Variants in EEPD1 observed in about 807,000 individuals in gnomAD.
EEPD1 encodes endonuclease/exonuclease/phosphatase family domain-containing protein 1.
EEPD1 carries 17 observed loss-of-function variants against 46.3 expected under a neutral mutation model. That is an observed-to-expected ratio of 0.37 (90% confidence interval 0.25 to 0.55). The LOEUF is 0.55. Ranked by LOEUF, EEPD1 falls within the 20% of genes least tolerant of loss-of-function variation. The probability of loss-of-function intolerance (pLI) is 0.83; values close to 1 mark genes in which losing one functional copy is unlikely to be tolerated. For synonymous variants in EEPD1, 313 were observed against 315.6 expected (o/e 0.99, Z 0.09); for missense variants, 673 against 745.6 (o/e 0.90, Z 1.13).
chr7:36,186,464 C>T (rs958695792), intron 2 of EEPD1, among the ~76,000 whole-genome samples: 1 of 152,202 alleles, frequency 6.6e-6, no homozygotes, highest in African/African-American at 2.4e-5. Context: ...CCCAACTTCA[C>T]ACCTTCCATG....
In EEPD1 at chr7:36,299,292, C is replaced by A; in HGVS notation, c.*86C>A. The A allele has an allele frequency of 7.0e-7, 1 of 1,436,340 alleles. No individual in the cohort carries two copies. The highest frequency in any genetic ancestry group is 9.4e-7 in the Non-Finnish European group (1 of 1,063,682). 89.0% of individuals were successfully genotyped at this position (1,436,340 alleles called of 1,614,324 possible). A position where few individuals can be genotyped will look rare whatever the true frequency, so the allele number is the denominator to read the frequency against. On this transcript the variant is annotated 3_prime_UTR_variant, in exon 8 of 8. Transcript: ENST00000242108. ...TGTGGGGTGACGCTTCAGGGCAGAG[C>A]TGCCTTTTAATTTTTATTCTCAGAG...
In EEPD1 at chr7:36,263,051, A is replaced by T. The variant is rs114845161; in HGVS notation, c.931-18064A>T. On this transcript the variant is annotated intron_variant, in intron 3 of 7. Coordinates refer to ENST00000242108, the MANE Select transcript of EEPD1 (RefSeq NM_030636.3). ...TCTACAAGAAATAAAATGATAAAAA[A>T]CTTTAGCTGTTCATGGTGGTGCATG... Among the ~76,000 whole-genome samples, 870 of 152,174 alleles carry T rather than the reference A, an allele frequency of 5.7e-3. 6 individuals carry two copies. Among genetic ancestry groups the T allele is most frequent in the African/African-American group, 0.02 (828 of 41,488 alleles).
At chr7:36,215,333 C>T (rs1041963046) in intron 2 of EEPD1, among the ~76,000 whole-genome samples, 3 of 152,164 alleles carry the variant, frequency 2.0e-5, no homozygotes, top group East Asian at 1.9e-4. Flanking sequence ...GCCGATTTGG[C>T]GGGGCTGGGG....
intron 6 of EEPD1, among the ~76,000 whole-genome samples, chr7:36,295,108 G>A (rs933329165): frequency 4.7e-5 from 7 of 149,814 alleles, no homozygotes; most frequent in Admixed American, 6.6e-5. Context: ...AACCCGAGAG[G>A]CAGAGGTTGC....
rs937129114 is a variant in EEPD1 at position 36,268,917 on chromosome 7, T to C, written c.931-12198T>C. Among the ~76,000 whole-genome samples, 13 of 152,336 alleles carry C rather than the reference T, an allele frequency of 8.5e-5. No homozygotes were observed. The South Asian group carries it at 1.4e-3, about 17-fold the overall frequency. The stretch of plus-strand genomic sequence containing the variant: ...CTCTTGGTAAGTGGTAGATCCAAAG[T>C]TTGAATCCAGGCAGCCTTTCTCTAG... On this transcript the variant is annotated intron_variant, in intron 3 of 7. Transcript: ENST00000242108.
chr7:36,295,707 A>G (rs534028642), intron 6 of EEPD1, among the ~76,000 whole-genome samples: 2 of 152,174 alleles, frequency 1.3e-5, no homozygotes, highest in Non-Finnish European at 2.9e-5. Context: ...CAATGGCCAT[A>G]GTTTTTCATG....
intron 3 of EEPD1, among the ~76,000 whole-genome samples, chr7:36,280,854 G>A (rs1787250013): frequency 6.6e-6 from 1 of 152,218 alleles, no homozygotes; most frequent in African/African-American, 2.4e-5. Flanking sequence ...GCTACAGAGA[G>A]AATCAATTTC....
At chr7:36,272,843 G>A (rs1787132006) in intron 3 of EEPD1, among the ~76,000 whole-genome samples, 1 of 152,244 alleles carries the variant, frequency 6.6e-6, no homozygotes, top group Admixed American at 6.5e-5. Context: ...TGACACAGGA[G>A]CAGGAAGCCC....
chr7:36,263,899 C>A (rs1321048792), intron 3 of EEPD1, among the ~76,000 whole-genome samples: 1 of 152,110 alleles, frequency 6.6e-6, no homozygotes, highest in Non-Finnish European at 1.5e-5. Flanking sequence ...GATACATTTG[C>A]GAGTAAGAGG....
chr7:36,265,372 G>A (rs562352365), intron 3 of EEPD1, among the ~76,000 whole-genome samples: 1 of 152,188 alleles, frequency 6.6e-6, no homozygotes, highest in South Asian at 2.1e-4. Flanking sequence ...GGAAGTTCTG[G>A]GAGCCTGGCT....
intron 2 of EEPD1, among the ~76,000 whole-genome samples, chr7:36,196,775 C>T (rs1334839194): frequency 4.6e-5 from 7 of 152,194 alleles, no homozygotes; most frequent in African/African-American, 4.8e-5. Context: ...CCTCCACCTC[C>T]CAGCCGCCTG....
chr7:36,287,928 G>A, intron 6 of EEPD1, 151 bp downstream of exon 6: 2 of 1,111,736 alleles, frequency 1.8e-6, no homozygotes, highest in Non-Finnish European at 1.3e-6. Flanking sequence ...GCATCTCATG[G>A]AGCCCAGCTG....
intron 2 of EEPD1, chr7:36,230,688 G>A (rs1167964457): frequency 6.6e-6 from 1 of 152,232 alleles, no homozygotes; most frequent in Non-Finnish European, 1.5e-5. Flanking sequence ...ATGGCGCCAT[G>A]TGTTTGCCTC....
intron 2 of EEPD1, among the ~76,000 whole-genome samples, chr7:36,219,594 AGAAG>A (rs1379147689): frequency 1.3e-5 from 2 of 150,656 alleles, no homozygotes; most frequent in Non-Finnish European, 3.0e-5. Context: ...GAAAAGAAGA[AGAAG>A]GAGGAAGAGG....
In EEPD1 at chr7:36,154,371, C is replaced by G; in HGVS notation, c.47C>G (p.Ser16Trp). The G allele has an allele frequency of 1.2e-6, 2 of 1,613,542 alleles. No homozygotes were observed. The highest frequency in any genetic ancestry group is 8.5e-7 in the Non-Finnish European group (1 of 1,180,034). Residue 16 changes from serine to tryptophan, a missense_variant, in exon 2 of 8, where the codon TCG becomes TGG. Physicochemically the swap from Ser to Trp is radical, Grantham distance 177. Transcript: ENST00000242108. The surrounding 1 kb of genome is among the most constrained non-coding windows in gnomAD (Gnocchi z 4.2). ...GCHRSIPRDP[S>W]DLSHSRKFSA... ...CACCGCTCCATCCCCAGGGACCCCT[C>G]GGACCTGTCCCATAGCCGCAAGTTC... is the stretch of plus-strand genomic sequence containing the variant.
Position 36,203,531 on chromosome 7 carries a change from T to C in EEPD1, c.879-35454T>C, listed in dbSNP as rs532378573. Among the ~76,000 whole-genome samples, 3 of 152,302 alleles carry C rather than the reference T, an allele frequency of 2.0e-5. No homozygotes were observed. In the South Asian group the frequency reaches 6.2e-4, roughly 32 times the overall value. On this transcript the variant is annotated intron_variant, in intron 2 of 7. Coordinates refer to ENST00000242108, the MANE Select transcript of EEPD1 (RefSeq NM_030636.3). ...TCTCTCTTAGACTCAGCTGAAAGGC[T>C]CAAAGGTAATTAGCTGTTATGGAAA...
chr7:36,282,347 A>T (rs1254969544), intron 4 of EEPD1, among the ~76,000 whole-genome samples: 1 of 152,246 alleles, frequency 6.6e-6, no homozygotes, highest in Admixed American at 6.5e-5. Flanking sequence ...GCTATGTACC[A>T]GGCATATTGT....
At chr7:36,268,411 G>A (rs895428960) in intron 3 of EEPD1, among the ~76,000 whole-genome samples, 2 of 151,990 alleles carry the variant, frequency 1.3e-5, no homozygotes, top group South Asian at 2.1e-4. Context: ...CACCCACTTC[G>A]GCCTCCCAAA....
intron 3 of EEPD1, among the ~76,000 whole-genome samples, chr7:36,257,248 T>G (rs546197984): frequency 6.6e-6 from 1 of 152,254 alleles, no homozygotes; most frequent in South Asian, 2.1e-4. Context: ...CTGGCTGCCC[T>G]TAACATTTTT....
Sources: gnomAD v4.1 joint callset for allele counts (sites outside exome capture counted in the v4.1 genomes callset) on GRCh38, gnomAD v4.1.1 for gene constraint, Gnocchi (gnomAD v3.1) non-coding constraint, MANE v1.5 for transcripts, NCBI Gene and HGNC (gene_info 2026-07-23, HGNC 2026-07-21) for gene names.